PLD2: variants seen among roughly 807,000 people sequenced by gnomAD.
PLD2 encodes the protein choline phosphatase 2.
In PLD2, 101 loss-of-function variants were observed where a neutral mutation model predicts 119.8. That is an observed-to-expected ratio of 0.84 (90% CI 0.72 to 0.99). The LOEUF is 0.99. PLD2 is among the 50% of genes least tolerant of loss of function. The pLI is 0.00. For synonymous variants in PLD2, 494 were observed against 482.8 expected, an observed-to-expected ratio of 1.02 and a Z score of -0.30; for missense variants, 1,164 against 1,226.8, an observed-to-expected ratio of 0.95 and a Z score of 0.76.
At chr17:4,821,408 G>C (rs989420177) in intron 23 of PLD2, among the ~76,000 whole-genome samples, 2 of 151,850 alleles carry the variant, frequency 1.3e-5, no homozygotes, top group Non-Finnish European at 2.9e-5. Flanking sequence ...TTGTTTGTTT[G>C]TTTTGAGATA....
At chr17:4,822,117 G>A (rs1907739400) in intron 24 of PLD2, among the ~76,000 whole-genome samples, 1 of 152,120 alleles carries the variant, frequency 6.6e-6, no homozygotes, top group African/African-American at 2.4e-5. Flanking sequence ...CCAAGGCCCG[G>A]TGGATCACCT....
At position 4,818,391 on chromosome 17, in the gene PLD2, G is replaced by T; in HGVS notation, c.2009+6G>T. The T allele has an allele frequency of 6.2e-7, 1 of 1,613,966 alleles. No individual in the cohort carries two copies. Among genetic ancestry groups the T allele is most frequent in the Non-Finnish European group, 8.5e-7 (1 of 1,179,850 alleles). On this transcript the variant is annotated splice_donor_region_variant and intron_variant, in intron 19 of 24. Transcript: ENST00000263088. ...AGAATCCTGAAGGCCCACAAGTAAG[G>T]TGGACTGTCAGGAAGGTGGGGACTG... is the stretch of plus-strand genomic sequence containing the variant.
At chr17:4,814,216 G>A in intron 10 of PLD2, 1 of 643,584 alleles carries the variant, frequency 1.6e-6, no homozygotes, top group Non-Finnish European at 2.5e-6. Context: ...TTAGGTTATT[G>A]TGTCTTTTTG....
At position 4,808,159 on chromosome 17, in the gene PLD2, G is replaced by T; in HGVS notation, c.240+45G>T. ...GGAGGGGGAAAGGGAGGGCGGCCCG[G>T]AATGGATCCAAGGTGGCTGGGCTGG... On this transcript the variant is annotated intron_variant, in intron 3 of 24. Coordinates refer to ENST00000263088, the MANE Select transcript of PLD2 (RefSeq NM_002663.5). This position sits in a 1 kb window ranked among gnomAD's most constrained non-coding sequence, Gnocchi z 4.1. The T allele has an allele frequency of 6.3e-7, 1 of 1,595,328 alleles. No homozygotes were observed. Among genetic ancestry groups the T allele is most frequent in the Non-Finnish European group, 8.6e-7 (1 of 1,166,724 alleles).
chr17:4,818,429 G>A lies in PLD2; in HGVS notation c.2009+44G>A, dbSNP rs752680236. On this transcript the variant is annotated intron_variant, in intron 19 of 24. Coordinates refer to ENST00000263088, the MANE Select transcript of PLD2 (RefSeq NM_002663.5). ...AAGGTGGGGACTGTGGGTGTGGTTT[G>A]AGCCCGGTTGAAGGGGGTGGGGTTT... 8.1e-6 allele frequency: 13 copies of A among 1,608,012 alleles called. No individual in the cohort carries two copies. The Admixed American group carries it at 1.0e-4, about 12-fold the overall frequency.
intron 23 of PLD2, among the ~76,000 whole-genome samples, chr17:4,820,261 T>TTG (rs1567535981): frequency 2.7e-5 from 4 of 147,968 alleles, no homozygotes; most frequent in Non-Finnish European, 4.5e-5. Context: ...AGAAATCTTT[T>TTG]TTGTTGTTGT....
At position 4,807,191 on chromosome 17, in the gene PLD2, C is replaced by T. The variant is rs2875842; in HGVS notation, c.-36C>T. On this transcript the variant is annotated 5_prime_UTR_variant, in exon 1 of 25. Transcript: ENST00000263088. This position sits in a 1 kb window ranked among gnomAD's most constrained non-coding sequence, Gnocchi z 5.4. ...CAGCTCCGGTCTGCTCTCTTGGCTC[C>T]GGAACCCCCGCGGGCGCTGGCTCCG... The T allele has an allele frequency of 2.0e-5, 3 of 151,232 alleles. No homozygotes were observed. Among genetic ancestry groups the T allele is most frequent in the Non-Finnish European group, 4.4e-5 (3 of 67,570 alleles). The allele number at this position is 151,232 out of a possible 1,614,324, so 9.4% of individuals were successfully genotyped here.
chr17:4,814,567 G>A (rs913200162), intron 11 of PLD2, 66 bp downstream of exon 11: 2 of 1,612,954 alleles, frequency 1.2e-6, no homozygotes, highest in African/African-American at 1.3e-5. Context: ...GCATTAGGAG[G>A]AGAAGGGGGG....
Position 4,819,167 on chromosome 17 carries a change from A to G in PLD2, c.2257A>G (p.Ile753Val), listed in dbSNP as rs773858039. ...GGGCGGGCACCCCGTCTCGGAGCTC[A>G]TCTACATCCACAGCAAGGTGCTCAT... is the stretch of plus-strand genomic sequence containing the variant. ...ELGGHPVSELIYIHSKVLIAD... is the reference protein window; with the variant it reads ...ELGGHPVSELVYIHSKVLIAD... The change falls in exon 22 of 25, where the codon ATC becomes GTC. Residue 753 changes from isoleucine to valine, a missense_variant. Ile to Val is a conservative substitution (Grantham distance 29, BLOSUM62 3). Transcript: ENST00000263088. The surrounding 1 kb of genome is among the most constrained non-coding windows in gnomAD (Gnocchi z 4.2). 78 of 1,613,996 alleles carry G rather than the reference A, an allele frequency of 4.8e-5. No homozygotes were observed. The highest frequency in any genetic ancestry group is 6.4e-5 in the Non-Finnish European group (76 of 1,179,900).
At chr17:4,816,023 C>A in intron 14 of PLD2, 89 bp downstream of exon 14, 1 of 977,540 alleles carries the variant, frequency 1.0e-6, no homozygotes, top group Non-Finnish European at 1.6e-6. Flanking sequence ...CCCCCTCAGT[C>A]ATTCCAGGCC....
At position 4,814,204 on chromosome 17, in the gene PLD2, G is replaced by A. The variant is rs1906743100; in HGVS notation, c.1011-214G>A. 5 of 578,554 alleles carry A rather than the reference G, an allele frequency of 8.6e-6. No homozygotes were observed. The Admixed American group carries it at 1.1e-4, about 13-fold the overall frequency. The allele number at this position is 578,554 out of a possible 1,614,324, so 35.8% of individuals were successfully genotyped here. ...GTATTAATCCTCCTGTTCTTTAGTT[G>A]ATTAGGTTATTGTGTCTTTTTGTAA... On this transcript the variant is annotated intron_variant, in intron 10 of 24. Transcript: ENST00000263088.
Position 4,815,427 on chromosome 17 carries a change from G to GGCT in PLD2, c.1174-48_1174-46dup, listed in dbSNP as rs567360320. The stretch of plus-strand genomic sequence containing the variant: ...GAAAAGGTTTGGGAGTGTGGAAAGG[G>GGCT]GCTACTCTGGGAGAGGCACTAGGAT... On this transcript the variant is annotated intron_variant, in intron 12 of 24. Transcript: ENST00000263088. The GGCT allele has an allele frequency of 6.2e-5, 69 of 1,121,894 alleles. 1 individual carries two copies. The South Asian group carries it at 8.3e-4, about 13-fold the overall frequency. 69.5% of individuals were successfully genotyped at this position (1,121,894 alleles called of 1,614,324 possible).
intron 10 of PLD2, among the ~76,000 whole-genome samples, chr17:4,813,883 G>A (rs908092552): frequency 1.1e-4 from 16 of 152,034 alleles, no homozygotes; most frequent in Non-Finnish European, 1.9e-4. Context: ...TATATTTTTT[G>A]ATACTGCCAA....
Position 4,819,670 on chromosome 17 carries a change from C to T in PLD2, c.2462+88C>T. ...GACAAGAGGTAGCACCGCATAGGTA[C>T]TCCCGGAGCCAGAGGTAGAGGCAGT... On this transcript the variant is annotated intron_variant, in intron 23 of 24. Coordinates refer to ENST00000263088, the MANE Select transcript of PLD2 (RefSeq NM_002663.5). The surrounding 1 kb of genome is among the most constrained non-coding windows in gnomAD (Gnocchi z 4.2). The T allele has an allele frequency of 1.6e-6, 2 of 1,277,718 alleles. No homozygotes were observed. Among genetic ancestry groups the T allele is most frequent in the South Asian group, 1.4e-5 (1 of 70,294 alleles). The allele number at this position is 1,277,718 out of a possible 1,614,324, so 79.1% of individuals were successfully genotyped here. A position where few individuals can be genotyped will look rare whatever the true frequency, so the allele number is the denominator to read the frequency against.
chr17:4,818,871 G>A, intron 21 of PLD2, 48 bp downstream of exon 21: 1 of 1,592,652 alleles, frequency 6.3e-7, no homozygotes, highest in Non-Finnish European at 8.6e-7. Context: ...CTGGGAGAGG[G>A]AGATTGGGGC....
rs2150668641 is a variant in PLD2 at position 4,809,536 on chromosome 17, T to C, written c.599T>C (p.Leu200Ser). 3.1e-6 allele frequency: 5 copies of C among 1,606,700 alleles called. No individual in the cohort carries two copies. In the South Asian group the frequency reaches 4.4e-5, roughly 14 times the overall value. ...EVSQLSFIPD[L>S]GRKGLEGMIR... ...AGTCAGCTGTCCTTTATCCCGGACTTGGGCCGCAAAGGACTGTGAGTGTCT... is the reference window on the plus strand; with the variant it reads ...AGTCAGCTGTCCTTTATCCCGGACTCGGGCCGCAAAGGACTGTGAGTGTCT... The change falls in exon 7 of 25, where the codon TTG (leucine) becomes TCG (serine). Residue 200 changes from leucine (L) to serine (S), a missense_variant. Physicochemically the swap from Leu to Ser is moderately radical, Grantham distance 145 (BLOSUM62 -2). Coordinates refer to ENST00000263088, the MANE Select transcript of PLD2 (RefSeq NM_002663.5).
chr17:4,817,400 C>T (rs370798622), intron 17 of PLD2, 141 bp downstream of exon 17: 72 of 680,694 alleles, frequency 1.1e-4, no homozygotes, highest in East Asian at 6.1e-4. Flanking sequence ...CGGTGGCTCA[C>T]GCCTATAATC....
rs1485576149 is a variant in PLD2, at chr17:4,819,073, C to T, written c.2174-11C>T. ...GCCACCTCTCACCTCACTTCCCCTCCTGTCACGCAGTGGGGACAGCATGGC... is the reference window on the plus strand; with the variant it reads ...GCCACCTCTCACCTCACTTCCCCTCTTGTCACGCAGTGGGGACAGCATGGC... On this transcript the variant is annotated splice_polypyrimidine_tract_variant and intron_variant, in intron 21 of 24. Coordinates refer to ENST00000263088, the MANE Select transcript of PLD2 (RefSeq NM_002663.5). This position sits in a 1 kb window ranked among gnomAD's most constrained non-coding sequence, Gnocchi z 4.2. The T allele has an allele frequency of 6.2e-7, 1 of 1,613,912 alleles. No homozygotes were observed. The highest frequency in any genetic ancestry group is 2.2e-5 in the East Asian group (1 of 44,892).
intron 21 of PLD2, 108 bp from the exon 22 acceptor site, chr17:4,818,974 GGA>G: frequency 6.5e-7 from 1 of 1,529,342 alleles, no homozygotes; most frequent in East Asian, 2.3e-5. Flanking sequence ...GCAGGGAGAA[GGA>G]GAGAGACCAG....
Sources: gnomAD v4.1 joint callset for allele counts (sites outside exome capture counted in the v4.1 genomes callset) on GRCh38, gnomAD v4.1.1 for gene constraint, Gnocchi (gnomAD v3.1) non-coding constraint, MANE v1.5 for transcripts, NCBI Gene and HGNC (gene_info 2026-07-23, HGNC 2026-07-21) for gene names.